Variants in ZNF236 observed in about 807,000 individuals in gnomAD.
ZNF236 encodes zinc finger protein 236.
Under a neutral mutation model 191.2 loss-of-function variants are expected in ZNF236, and 50 were observed. The observed-to-expected ratio is 0.26, with a 90% CI of 0.21 to 0.33. The LOEUF (loss-of-function observed/expected upper bound fraction) is 0.33, where lower values mean the gene tolerates loss of function less well. ZNF236 is among the 10% of genes least tolerant of loss of function. The probability of loss-of-function intolerance (pLI) is 1.00; values close to 1 mark genes in which losing one functional copy is unlikely to be tolerated. For synonymous variants in ZNF236, 907 were observed against 928.8 expected (o/e 0.98, Z 0.43); for missense variants, 1,754 against 2,374.5 (o/e 0.74, Z 5.43).
Position 76,895,200 on chromosome 18 carries a change from C to T in ZNF236, c.1605C>T (p.Thr535=), listed in dbSNP as rs779896368. Residue 535 remains threonine, a synonymous_variant, in exon 10 of 31, where the codon ACC becomes ACT. Transcript: ENST00000320610. ...STLTAHIKTH[T]GIKAFKCQYC... ...TGACAGCGCACATCAAGACGCACAC[C>T]GGCATCAAGGCGTTCAAGTGCCAGT... The T allele has an allele frequency of 1.1e-5, 17 of 1,603,036 alleles. No homozygotes were observed. Among genetic ancestry groups the T allele is most frequent in the South Asian group, 3.3e-5 (3 of 91,092 alleles).
At chr18:76,873,923 C>T (rs970027149) in intron 5 of ZNF236, among the ~76,000 whole-genome samples, 17 of 148,320 alleles carry the variant, frequency 1.1e-4, no homozygotes, top group Admixed American at 4.0e-4. Flanking sequence ...GAGCCGTGAC[C>T]GGGCCACACT....
chr18:76,873,391 C>T (rs1976630080), intron 5 of ZNF236, among the ~76,000 whole-genome samples: 1 of 152,226 alleles, frequency 6.6e-6, no homozygotes, highest in African/African-American at 2.4e-5. Flanking sequence ...TGTGATGCTA[C>T]TCCTCCTGCA....
At chr18:76,948,887 ACAT>A (rs1968337170) in intron 27 of ZNF236, among the ~76,000 whole-genome samples, 1 of 152,244 alleles carries the variant, frequency 6.6e-6, no homozygotes. Flanking sequence ...ACCATAAGTC[ACAT>A]CATCAGCACA....
At chr18:76,896,827 G>T (rs1977433943) in intron 10 of ZNF236, among the ~76,000 whole-genome samples, 1 of 151,144 alleles carries the variant, frequency 6.6e-6, no homozygotes, top group Non-Finnish European at 1.5e-5. Context: ...TGGCCACAGG[G>T]ACCACACAGT....
At chr18:76,898,959 A>G (rs767067618) in intron 10 of ZNF236, 60 bp from the exon 11 acceptor site, 14 of 1,386,114 alleles carry the variant, frequency 1.0e-5, no homozygotes, top group Non-Finnish European at 1.4e-5. Flanking sequence ...TTATGTTAGC[A>G]TTTGCTGTTG....
chr18:76,844,323 C>G (rs2122478020), intron 1 of ZNF236, among the ~76,000 whole-genome samples: 1 of 151,396 alleles, frequency 6.6e-6, no homozygotes, highest in Non-Finnish European at 1.5e-5. Context: ...TGATGCCTGT[C>G]AGGTGTTCCA....
chr18:76,939,533 A>T (rs899532220), intron 26 of ZNF236, among the ~76,000 whole-genome samples: 2 of 152,118 alleles, frequency 1.3e-5, no homozygotes, highest in African/African-American at 4.8e-5. Flanking sequence ...GGGAGGCTGG[A>T]TGGGAGAGCA....
At chr18:76,871,177 G>C (rs553048293) in intron 4 of ZNF236, among the ~76,000 whole-genome samples, 1 of 152,318 alleles carries the variant, frequency 6.6e-6, no homozygotes, top group South Asian at 2.1e-4. Context: ...TCTTGACATG[G>C]AAAGGAGCAG....
chr18:76,828,379 G>A (rs1156799198), intron 1 of ZNF236, among the ~76,000 whole-genome samples: 3 of 152,028 alleles, frequency 2.0e-5, no homozygotes, highest in Non-Finnish European at 4.4e-5. Context: ...TGTTGGCCAG[G>A]CTGTTCTTGA....
chr18:76,874,799 T>C (rs918799958), intron 5 of ZNF236, among the ~76,000 whole-genome samples: 3 of 152,170 alleles, frequency 2.0e-5, no homozygotes, highest in Non-Finnish European at 2.9e-5. Flanking sequence ...GCCTGGTGTG[T>C]CTGAGGGCGG....
chr18:76,949,791 T>C (rs1968358124), intron 27 of ZNF236, among the ~76,000 whole-genome samples: 1 of 151,930 alleles, frequency 6.6e-6, no homozygotes, highest in East Asian at 1.9e-4. Flanking sequence ...CCCAAGTAGC[T>C]GGAATCACAG....
At chr18:76,905,103 C>A in intron 12 of ZNF236, 52 bp from the exon 13 acceptor site, 1 of 1,523,166 alleles carries the variant, frequency 6.6e-7, no homozygotes, top group Non-Finnish European at 8.9e-7. Context: ...AGTCACAAAG[C>A]ATTATAAAAG....
chr18:76,894,678 T>C (rs1977348051), intron 9 of ZNF236, among the ~76,000 whole-genome samples: 1 of 152,206 alleles, frequency 6.6e-6, no homozygotes. Context: ...TTCCTTCTCT[T>C]CTCGTTCCCT....
intron 5 of ZNF236, among the ~76,000 whole-genome samples, chr18:76,872,652 G>C (rs1282414082): frequency 6.6e-6 from 1 of 152,162 alleles, no homozygotes; most frequent in Non-Finnish European, 1.5e-5. Context: ...ATTCATAGCT[G>C]AATACTCTTT....
Position 76,910,681 on chromosome 18 carries a change from A to G in ZNF236, c.2675A>G (p.Tyr892Cys). Residue 892 changes from tyrosine to cysteine, a missense_variant, in exon 16 of 31, where the codon TAC becomes TGC. Coordinates refer to ENST00000320610, the MANE Select transcript of ZNF236 (RefSeq NM_001306089.2). ...LPQGFTVTDT[Y>C]HQQPQFPPVQ... The stretch of plus-strand genomic sequence containing the variant: ...TTAGGTTTTACAGTGACTGATACGT[A>G]CCATCAGCAGCCTCAGTTTCCACCT... 1.2e-6 allele frequency: 2 copies of G among 1,614,222 alleles called. No homozygotes were observed. The highest frequency in any genetic ancestry group is 1.7e-6 in the Non-Finnish European group (2 of 1,180,030).
chr18:76,883,053 A>G (rs371664945), intron 9 of ZNF236, among the ~76,000 whole-genome samples: 2 of 152,214 alleles, frequency 1.3e-5, no homozygotes, highest in African/African-American at 4.8e-5. Context: ...ACACATAGCC[A>G]TGGTCCTTAG....
Position 76,955,524 on chromosome 18 carries a change from G to T in ZNF236, c.4915-461G>T, listed in dbSNP as rs1968502484. On this transcript the variant is annotated intron_variant, in intron 27 of 30. Coordinates refer to ENST00000320610, the MANE Select transcript of ZNF236 (RefSeq NM_001306089.2). ...TTGTGATCCACGGTTTGGAAAAAAT[G>T]GTTTAATTCCATTAAAAGCTAGAAA... 3.9e-5 allele frequency among the ~76,000 whole-genome samples: 6 copies of T among 152,264 alleles called. No individual in the cohort carries two copies. In the South Asian group the frequency reaches 1.2e-3, roughly 32 times the overall value.
chr18:76,968,253 G>C lies in ZNF236; in HGVS notation c.5458G>C (p.Gly1820Arg). 6.2e-7 allele frequency: 1 copy of C among 1,612,562 alleles called. No individual in the cohort carries two copies. Among genetic ancestry groups the C allele is most frequent in the African/African-American group, 1.3e-5 (1 of 74,934 alleles). Residue 1820 changes from glycine (G) to arginine (R), a missense_variant, in exon 31 of 31, where the codon GGG (glycine) becomes CGG (arginine). By Grantham distance (125) the Gly-to-Arg change is moderately radical. This residue lies in a region of ZNF236 where 606 missense variants were observed against 761.5 expected (regional missense o/e 0.80). Transcript: ENST00000320610. ...QESAGHPEQD[G>R]EELSRTLHLE... is the part of the protein sequence containing the mutation. Reference sequence around the variant, plus strand: ...GTCTGCAGGTCACCCGGAGCAGGACGGGGAGGAGCTGAGCCGGACCCTCCA... The same window carrying C: ...GTCTGCAGGTCACCCGGAGCAGGACCGGGAGGAGCTGAGCCGGACCCTCCA...
chr18:76,908,470 G>C lies in ZNF236; in HGVS notation c.2448G>C (p.Ala816=), dbSNP rs1161369295. The C allele has an allele frequency of 6.2e-7, 1 of 1,614,172 alleles. No individual in the cohort carries two copies. The highest frequency in any genetic ancestry group is 1.1e-5 in the South Asian group (1 of 91,074). The part of the protein sequence containing the change: ...ELPQTAEVVA[A]NPEAMLDLEP... ...CGCAGACGGCAGAGGTGGTCGCAGC[G>C]AACCCCGAGGCCATGCTGGACCTGG... is the stretch of plus-strand genomic sequence containing the variant. Residue 816 remains alanine, a synonymous_variant, in exon 14 of 31, where the codon GCG becomes GCC. Coordinates refer to ENST00000320610, the MANE Select transcript of ZNF236 (RefSeq NM_001306089.2).
Sources: allele counts gnomAD v4.1 joint callset (sites outside exome capture counted in the v4.1 genomes callset), GRCh38; gene constraint gnomAD v4.1.1; regional missense constraint gnomAD v4.1.1; transcripts MANE v1.5; gene names NCBI Gene and HGNC (gene_info 2026-07-23, HGNC 2026-07-21).